Variants in NUSAP1 observed in about 807,000 individuals in gnomAD.
NUSAP1 encodes the protein nucleolar and spindle-associated protein 1.
Under a neutral mutation model 52.8 loss-of-function variants are expected in NUSAP1, and 32 were observed. The observed-to-expected ratio is 0.61, with a 90% confidence interval of 0.46 to 0.81. The LOEUF is 0.81. NUSAP1 is among the 40% of genes least tolerant of loss of function. The pLI is 0.00. For missense variants in NUSAP1, 499 were observed against 522.3 expected, an observed-to-expected ratio of 0.96 and a Z score of 0.43; for synonymous variants, 195 against 183.1, an observed-to-expected ratio of 1.06 and a Z score of -0.52.
At chr15:41,344,259 T>C (rs990100164) in intron 2 of NUSAP1, 1 of 151,804 alleles carries the variant, frequency 6.6e-6, no homozygotes, top group African/African-American at 2.4e-5. Flanking sequence ...ATTGTCTCTT[T>C]ATATTCCAGC....
intron 10 of NUSAP1, among the ~76,000 whole-genome samples, chr15:41,377,698 CA>C (rs567198834): frequency 1.3e-3 from 127 of 96,424 alleles, no homozygotes; most frequent in Non-Finnish European, 1.3e-3. Context: ...GGCGCCGTCT[CA>C]AAAAAAAAAA....
At chr15:41,361,115 AG>A (rs1301149627) in intron 6 of NUSAP1, among the ~76,000 whole-genome samples, 1 of 150,082 alleles carries the variant, frequency 6.7e-6, no homozygotes, top group Admixed American at 6.7e-5. Context: ...AAAATAGGCC[AG>A]GGCGTGGTGG....
At position 41,371,571 on chromosome 15, in the gene NUSAP1, C is replaced by G. The variant is rs1289556643; in HGVS notation, c.893C>G (p.Thr298Ser). 1.2e-6 allele frequency: 2 copies of G among 1,611,140 alleles called. No homozygotes were observed. The highest frequency in any genetic ancestry group is 1.7e-5 in the Admixed American group (1 of 58,912). The change falls in exon 8 of 11, where the codon ACC becomes AGC. Residue 298 changes from threonine (T) to serine (S), a missense_variant. Physicochemically the swap from Thr to Ser is moderately conservative, Grantham distance 58 (BLOSUM62 1). Coordinates refer to ENST00000559596, the MANE Select transcript of NUSAP1 (RefSeq NM_016359.5). Reference sequence around the variant, plus strand: ...GATAATGAGCATAAGCGTTCACTGACCAAGACTCCAGCCAGAAAGTCTGCA... The same window carrying G: ...GATAATGAGCATAAGCGTTCACTGAGCAAGACTCCAGCCAGAAAGTCTGCA... ...TKDNEHKRSL[T>S]KTPARKSAHV...
At position 41,363,387 on chromosome 15, in the gene NUSAP1, T is replaced by TA. The variant is rs1245009656; in HGVS notation, c.661-2015_661-2014insA. 2.7e-4 allele frequency among the ~76,000 whole-genome samples: 41 copies of TA among 150,222 alleles called. No homozygotes were observed. In the East Asian group the frequency reaches 5.6e-3, roughly 21 times the overall value. On this transcript the variant is annotated intron_variant, in intron 6 of 10. Coordinates refer to ENST00000559596, the MANE Select transcript of NUSAP1 (RefSeq NM_016359.5). ...ATAAAATTATATACATATATATATA[T>TA]TTTTTTAGACAGAGTCTCACCCTGT... is the stretch of plus-strand genomic sequence containing the variant.
chr15:41,361,399 A>C lies in NUSAP1; in HGVS notation c.660+3141A>C, dbSNP rs576137150. On this transcript the variant is annotated intron_variant, in intron 6 of 10. Transcript: ENST00000559596. Reference sequence around the variant, plus strand: ...CAAGAGTGAAACTCCATCTCAAAAAAAAAATAATAATAATTTAAGTTAATT... The same window carrying C: ...CAAGAGTGAAACTCCATCTCAAAAACAAAATAATAATAATTTAAGTTAATT... 1.1e-4 allele frequency among the ~76,000 whole-genome samples: 16 copies of C among 152,130 alleles called. No individual in the cohort carries two copies. The East Asian group carries it at 3.1e-3, about 29-fold the overall frequency.
At chr15:41,343,298 G>A (rs1272690175) in intron 2 of NUSAP1, 1 of 152,128 alleles carries the variant, frequency 6.6e-6, no homozygotes, top group Non-Finnish European at 1.5e-5. Context: ...TTTTTGATAA[G>A]GCATGACTCC....
At chr15:41,374,905 A>G (rs946328563) in intron 8 of NUSAP1, among the ~76,000 whole-genome samples, 2 of 151,272 alleles carry the variant, frequency 1.3e-5, no homozygotes, top group African/African-American at 4.9e-5. Context: ...GCAATGGCGC[A>G]ATCTTGGCTC....
intron 10 of NUSAP1, among the ~76,000 whole-genome samples, chr15:41,378,900 A>C (rs985405452): frequency 7.6e-6 from 1 of 132,394 alleles, no homozygotes; most frequent in Non-Finnish European, 1.6e-5. Flanking sequence ...TAGACAAACC[A>C]AAAAAAAAAA....
rs576900630 is a variant in NUSAP1 at position 41,333,064 on chromosome 15, G to A, written c.93+14G>A. 159 of 1,600,156 alleles carry A rather than the reference G, an allele frequency of 9.9e-5. 1 individual carries two copies. The South Asian group carries it at 1.6e-3, about 16-fold the overall frequency. On this transcript the variant is annotated intron_variant, in intron 1 of 10. Coordinates refer to ENST00000559596, the MANE Select transcript of NUSAP1 (RefSeq NM_016359.5). Reference sequence around the variant, plus strand: ...GCCAACCTGAGGGTACGGCGCTGGCGGTGCGGGTCCCTGGGCGGGCGCGGC... The same window carrying A: ...GCCAACCTGAGGGTACGGCGCTGGCAGTGCGGGTCCCTGGGCGGGCGCGGC...
intron 2 of NUSAP1, among the ~76,000 whole-genome samples, chr15:41,345,249 C>A (rs1281756646): frequency 1.3e-5 from 2 of 151,980 alleles, no homozygotes; most frequent in African/African-American, 4.8e-5. Flanking sequence ...GTTTGCCTAC[C>A]TCTGCCTCCC....
Position 41,344,194 on chromosome 15 carries a change from A to C in NUSAP1, c.162+1740A>C, listed in dbSNP as rs544596520. 5.4e-5 allele frequency: 8 copies of C among 149,282 alleles called. No individual in the cohort carries two copies. The East Asian group carries it at 1.6e-3, about 30-fold the overall frequency. 9.2% of individuals were successfully genotyped at this position (149,282 alleles called of 1,614,324 possible). On this transcript the variant is annotated intron_variant, in intron 2 of 10. Transcript: ENST00000559596. ...AAACCATTGCACTCCACCCTGGGAG[A>C]CAGAATGAGACTCCATCTCAAAAAA...
rs1443703583 is a variant in NUSAP1, at chr15:41,362,644, A to G, written c.661-2758A>G. Among the ~76,000 whole-genome samples the G allele has an allele frequency of 4.0e-5, 6 of 151,238 alleles. No homozygotes were observed. In the East Asian group the frequency reaches 1.2e-3, roughly 30 times the overall value. ...ATGGGGTTTCACTGAGTTAGCCAGG[A>G]TGGTCTGAATCTCCTGACCTCGTGA... On this transcript the variant is annotated intron_variant, in intron 6 of 10. Coordinates refer to ENST00000559596, the MANE Select transcript of NUSAP1 (RefSeq NM_016359.5).
At chr15:41,337,640 T>G (rs954909474) in intron 1 of NUSAP1, among the ~76,000 whole-genome samples, 1 of 152,214 alleles carries the variant, frequency 6.6e-6, no homozygotes, top group African/African-American at 2.4e-5. Context: ...TTTATTAAGG[T>G]CGCCATCTTA....
chr15:41,379,985 T>G, intron 10 of NUSAP1, 108 bp from the exon 11 acceptor site: 1 of 722,588 alleles, frequency 1.4e-6, no homozygotes. Flanking sequence ...TACACAAGTA[T>G]GCTGGATGTC....
intron 10 of NUSAP1, among the ~76,000 whole-genome samples, chr15:41,377,939 G>A (rs995455187): frequency 4.6e-5 from 7 of 151,714 alleles, no homozygotes; most frequent in East Asian, 1.9e-4. Context: ...ACAGTGAGCC[G>A]AGATCACGCC....
Position 41,349,134 on chromosome 15 carries a change from A to T in NUSAP1, c.199A>T (p.Thr67Ser), listed in dbSNP as rs2048689463. 1 of 1,613,938 alleles carries T rather than the reference A, an allele frequency of 6.2e-7. No individual in the cohort carries two copies. Among genetic ancestry groups the T allele is most frequent in the African/African-American group, 1.3e-5 (1 of 75,040 alleles). ...SQTSASSCDE[T>S]EIQISNQEEA... ...AACTTCTGCATCCTCTTGTGATGAG[A>T]CTGAGATACAGATCAGCAACCAGGA... Residue 67 changes from threonine (T) to serine (S), a missense_variant, in exon 3 of 11, where the codon ACT (threonine) becomes TCT (serine). By Grantham distance (58) the Thr-to-Ser change is moderately conservative. Coordinates refer to ENST00000559596, the MANE Select transcript of NUSAP1 (RefSeq NM_016359.5).
At chr15:41,336,268 A>AAATAAT (rs113121358) in intron 1 of NUSAP1, among the ~76,000 whole-genome samples, 3,794 of 148,646 alleles carry the variant, frequency 0.026, 71 homozygotes, top group African/African-American at 0.057. Context: ...CTCCGTCTAA[A>AAATAAT]AATAATAATA....
rs2048402607 is a variant in NUSAP1 at position 41,342,560 on chromosome 15, A to C, written c.162+106A>C. 9 of 889,660 alleles carry C rather than the reference A, an allele frequency of 1.0e-5. No homozygotes were observed. In the South Asian group the frequency reaches 1.5e-4, roughly 14 times the overall value. 55.1% of individuals were successfully genotyped at this position (889,660 alleles called of 1,614,324 possible). ...GATGATTTAAGACATGCTGTTGGCC[A>C]GGTGTTGTGGCTCACGCCTATACTC... On this transcript the variant is annotated intron_variant, in intron 2 of 10. Transcript: ENST00000559596.
intron 10 of NUSAP1, among the ~76,000 whole-genome samples, chr15:41,377,772 A>AT (rs1440210733): frequency 6.7e-6 from 1 of 149,360 alleles, no homozygotes; most frequent in East Asian, 2.0e-4. Flanking sequence ...TGGGAGGCCG[A>AT]GGGGGGCAGA....
Sources: allele counts gnomAD v4.1 joint callset (sites outside exome capture counted in the v4.1 genomes callset), GRCh38; gene constraint gnomAD v4.1.1; transcripts MANE v1.5; gene names NCBI Gene and HGNC (gene_info 2026-07-23, HGNC 2026-07-21).